G0S2: variants seen among roughly 807,000 people sequenced by gnomAD.
The protein encoded by G0S2 is G0/G1 switch protein 2.
For missense variants in G0S2, 139 were observed against 139.1 expected (o/e 1.00, Z 0.00); for synonymous variants, 64 against 66.0 (o/e 0.97, Z 0.15).
chr1:209,676,074 G>T lies in G0S2; in HGVS notation c.*78G>T. 1.7e-6 allele frequency: 2 copies of T among 1,155,888 alleles called. No homozygotes were observed. Among genetic ancestry groups the T allele is most frequent in the South Asian group, 1.6e-5 (1 of 61,844 alleles). The allele number at this position is 1,155,888 out of a possible 1,614,324, so 71.6% of individuals were successfully genotyped here. A position where few individuals can be genotyped will look rare whatever the true frequency, so the allele number is the denominator to read the frequency against. On this transcript the variant is annotated 3_prime_UTR_variant, in exon 2 of 2. Coordinates refer to ENST00000367029, the MANE Select transcript of G0S2 (RefSeq NM_015714.4). ...CCGAGAGAGGAATGGAGAGACAGAGGGGGCGCGCGCACAGGAGCCTGACTC... is the reference window on the plus strand; with the variant it reads ...CCGAGAGAGGAATGGAGAGACAGAGTGGGCGCGCGCACAGGAGCCTGACTC...
In G0S2 at chr1:209,675,798, G is replaced by T; in HGVS notation, c.114G>T (p.Val38=). ...GCAGCGTGCTGGCCCTCTTCGGCGT[G>T]GTGCTCGGCCTGATGGAGACTGTGT... ...VLGSVLALFG[V]VLGLMETVCS... Residue 38 remains valine (V), a synonymous_variant, in exon 2 of 2, where the codon GTG becomes GTT. Coordinates refer to ENST00000367029, the MANE Select transcript of G0S2 (RefSeq NM_015714.4). The surrounding 1 kb of genome is among the most constrained non-coding windows in gnomAD (Gnocchi z 5.4). 1 of 1,602,148 alleles carries T rather than the reference G, an allele frequency of 6.2e-7. No homozygotes were observed. The highest frequency in any genetic ancestry group is 1.1e-5 in the South Asian group (1 of 89,128).
chr1:209,675,777 C>T lies in G0S2; in HGVS notation c.93C>T (p.Ser31=), dbSNP rs1340753390. ...GKMVKLYVLG[S]VLALFGVVLG... Reference sequence around the variant, plus strand: ...TGGTGAAGCTGTACGTGCTGGGCAGCGTGCTGGCCCTCTTCGGCGTGGTGC... The same window carrying T: ...TGGTGAAGCTGTACGTGCTGGGCAGTGTGCTGGCCCTCTTCGGCGTGGTGC... The change falls in exon 2 of 2, where the codon AGC becomes AGT. Residue 31 remains serine (S), a synonymous_variant. Transcript: ENST00000367029. This position sits in a 1 kb window ranked among gnomAD's most constrained non-coding sequence, Gnocchi z 5.4. The T allele has an allele frequency of 2.5e-6, 4 of 1,603,292 alleles. No homozygotes were observed. The Admixed American group carries it at 5.1e-5, about 21-fold the overall frequency.
In G0S2 at chr1:209,676,080, C is replaced by T. The variant is rs144457692; in HGVS notation, c.*84C>T. 9.3e-6 allele frequency: 10 copies of T among 1,078,440 alleles called. No individual in the cohort carries two copies. In the African/African-American group the frequency reaches 9.5e-5, roughly 10 times the overall value. 66.8% of individuals were successfully genotyped at this position (1,078,440 alleles called of 1,614,324 possible). Reference sequence around the variant, plus strand: ...GAGGAATGGAGAGACAGAGGGGGCGCGCGCACAGGAGCCTGACTCCGCTGG... The same window carrying T: ...GAGGAATGGAGAGACAGAGGGGGCGTGCGCACAGGAGCCTGACTCCGCTGG... On this transcript the variant is annotated 3_prime_UTR_variant, in exon 2 of 2. Transcript: ENST00000367029.
rs1163592687 is a variant in G0S2, at chr1:209,675,965, G to A, written c.281G>A (p.Arg94Gln). 1 of 1,554,018 alleles carries A rather than the reference G, an allele frequency of 6.4e-7. No homozygotes were observed. The highest frequency in any genetic ancestry group is 8.7e-7 in the Non-Finnish European group (1 of 1,145,980). Residue 94 changes from arginine to glutamine, a missense_variant, in exon 2 of 2, where the codon CGG becomes CAG. By Grantham distance (43) the Arg-to-Gln change is conservative. Coordinates refer to ENST00000367029, the MANE Select transcript of G0S2 (RefSeq NM_015714.4). This position sits in a 1 kb window ranked among gnomAD's most constrained non-coding sequence, Gnocchi z 5.4. ...GKQQDTVLGG[R>Q]ALSNRQHAS Reference sequence around the variant, plus strand: ...CAGCAGGACACGGTCCTCGGCGGCCGGGCCCTGTCCAACCGGCAGCACGCC... The same window carrying A: ...CAGCAGGACACGGTCCTCGGCGGCCAGGCCCTGTCCAACCGGCAGCACGCC...
Position 209,675,917 on chromosome 1 carries a change from A to T in G0S2, c.233A>T (p.Gln78Leu), listed in dbSNP as rs745334619. 15 of 1,603,330 alleles carry T rather than the reference A, an allele frequency of 9.4e-6. No individual in the cohort carries two copies. The highest frequency in any genetic ancestry group is 1.3e-5 in the Non-Finnish European group (15 of 1,172,844). Reference protein sequence around the residue: ...AALERQALQKQALQEKGKQQD... With the variant: ...AALERQALQKLALQEKGKQQD... ...CTGGAGCGACAGGCTCTCCAGAAGC[A>T]AGCCCTGCAGGAGAAAGGCAAGCAG... The change falls in exon 2 of 2, where the codon CAA (glutamine) becomes CTA (leucine). Residue 78 changes from glutamine (Q) to leucine (L), a missense_variant. Physicochemically the swap from Gln to Leu is moderately radical, Grantham distance 113. Transcript: ENST00000367029. The surrounding 1 kb of genome is among the most constrained non-coding windows in gnomAD (Gnocchi z 5.4).
Position 209,676,085 on chromosome 1 carries a change from A to G in G0S2, c.*89A>G. ...ATGGAGAGACAGAGGGGGCGCGCGC[A>G]CAGGAGCCTGACTCCGCTGGGAGAG... On this transcript the variant is annotated 3_prime_UTR_variant, in exon 2 of 2. Transcript: ENST00000367029. 9.6e-7 allele frequency: 1 copy of G among 1,037,664 alleles called. No homozygotes were observed. Among genetic ancestry groups the G allele is most frequent in the Non-Finnish European group, 1.4e-6 (1 of 720,464 alleles). 64.3% of individuals were successfully genotyped at this position (1,037,664 alleles called of 1,614,324 possible).
chr1:209,675,498 A>G lies in G0S2; in HGVS notation c.-84A>G, dbSNP rs954645941. On this transcript the variant is annotated 5_prime_UTR_variant, in exon 1 of 2. Transcript: ENST00000367029. This position sits in a 1 kb window ranked among gnomAD's most constrained non-coding sequence, Gnocchi z 5.4. ...GTCGGTCGGACCAACGGACGCGCTG[A>G]CCGCTGCCAACTGCAGCTCGCGCTG... The G allele has an allele frequency of 6.8e-6, 4 of 586,184 alleles. No individual in the cohort carries two copies. Among genetic ancestry groups the G allele is most frequent in the Non-Finnish European group, 1.2e-5 (4 of 327,858 alleles). The allele number at this position is 586,184 out of a possible 1,614,324, so 36.3% of individuals were successfully genotyped here. A position where few individuals can be genotyped will look rare whatever the true frequency, so the allele number is the denominator to read the frequency against.
rs1207683047 is a variant in G0S2, at chr1:209,675,643, C to A, written c.-32-10C>A. 1.9e-5 allele frequency: 26 copies of A among 1,372,734 alleles called. No homozygotes were observed. The highest frequency in any genetic ancestry group is 1.2e-5 in the South Asian group (1 of 80,246). 85.0% of individuals were successfully genotyped at this position (1,372,734 alleles called of 1,614,324 possible). Reference sequence around the variant, plus strand: ...TGGCTGAAGCCCCTCTCCTGCTGCTCCTCCTGCAGGTCATTCCCGCCTCCG... The same window carrying A: ...TGGCTGAAGCCCCTCTCCTGCTGCTACTCCTGCAGGTCATTCCCGCCTCCG... On this transcript the variant is annotated splice_polypyrimidine_tract_variant and intron_variant, in intron 1 of 1. Coordinates refer to ENST00000367029, the MANE Select transcript of G0S2 (RefSeq NM_015714.4). This position sits in a 1 kb window ranked among gnomAD's most constrained non-coding sequence, Gnocchi z 5.4.
rs1193269091 is a variant in G0S2, at chr1:209,675,973, T to C, written c.289T>C (p.Ser97Pro). Residue 97 changes from serine (S) to proline (P), a missense_variant, in exon 2 of 2, where the codon TCC (serine) becomes CCC (proline). By Grantham distance (74) the Ser-to-Pro change is moderately conservative. Coordinates refer to ENST00000367029, the MANE Select transcript of G0S2 (RefSeq NM_015714.4). The surrounding 1 kb of genome is among the most constrained non-coding windows in gnomAD (Gnocchi z 5.4). The part of the protein sequence containing the change: ...QDTVLGGRAL[S>P]NRQHAS ...CACGGTCCTCGGCGGCCGGGCCCTG[T>C]CCAACCGGCAGCACGCCTCCTAGGA... 6.5e-7 allele frequency: 1 copy of C among 1,545,748 alleles called. No individual in the cohort carries two copies. The highest frequency in any genetic ancestry group is 1.4e-5 in the African/African-American group (1 of 73,052).
chr1:209,675,677 G>C lies in G0S2; in HGVS notation c.-8G>C. The C allele has an allele frequency of 2.5e-6, 4 of 1,577,008 alleles. No individual in the cohort carries two copies. Among genetic ancestry groups the C allele is most frequent in the Non-Finnish European group, 3.4e-6 (4 of 1,159,468 alleles). On this transcript the variant is annotated 5_prime_UTR_variant, in exon 2 of 2. Coordinates refer to ENST00000367029, the MANE Select transcript of G0S2 (RefSeq NM_015714.4). The surrounding 1 kb of genome is among the most constrained non-coding windows in gnomAD (Gnocchi z 5.4). The stretch of plus-strand genomic sequence containing the variant: ...GGTCATTCCCGCCTCCGAGAGCCCA[G>C]AGCCGAGATGGAAACGGTCCAGGAG...
rs376545220 is a variant in G0S2 at position 209,675,740 on chromosome 1, G to T, written c.56G>T (p.Arg19Leu). The T allele has an allele frequency of 2.5e-6, 4 of 1,604,076 alleles. No individual in the cohort carries two copies. Among genetic ancestry groups the T allele is most frequent in the South Asian group, 2.2e-5 (2 of 89,334 alleles). Reference sequence around the variant, plus strand: ...GCCAAGGAGATGATGGCCCAGAAGCGCAAGGGGAAGATGGTGAAGCTGTAC... The same window carrying T: ...GCCAAGGAGATGATGGCCCAGAAGCTCAAGGGGAAGATGGTGAAGCTGTAC... ...PLAKEMMAQK[R>L]KGKMVKLYVL... The change falls in exon 2 of 2, where the codon CGC becomes CTC. Residue 19 changes from arginine to leucine, a missense_variant. Arg to Leu is a moderately radical substitution (Grantham distance 102). Coordinates refer to ENST00000367029, the MANE Select transcript of G0S2 (RefSeq NM_015714.4). This position sits in a 1 kb window ranked among gnomAD's most constrained non-coding sequence, Gnocchi z 5.4.
Position 209,676,169 on chromosome 1 carries a change from A to G in G0S2, c.*173A>G. 1 of 558,666 alleles carries G rather than the reference A, an allele frequency of 1.8e-6. No individual in the cohort carries two copies. Among genetic ancestry groups the G allele is most frequent in the Non-Finnish European group, 3.2e-6 (1 of 312,160 alleles). 34.6% of individuals were successfully genotyped at this position (558,666 alleles called of 1,614,324 possible). A position where few individuals can be genotyped will look rare whatever the true frequency, so the allele number is the denominator to read the frequency against. ...AACTTCAGAGAAACCGCTGACATCT[A>G]GAACTGACCTACCACAAGCATCCAC... On this transcript the variant is annotated 3_prime_UTR_variant, in exon 2 of 2. Coordinates refer to ENST00000367029, the MANE Select transcript of G0S2 (RefSeq NM_015714.4).
chr1:209,675,924 G>C lies in G0S2; in HGVS notation c.240G>C (p.Leu80=), dbSNP rs368723492. 7 of 1,597,144 alleles carry C rather than the reference G, an allele frequency of 4.4e-6. No individual in the cohort carries two copies. In the African/African-American group the frequency reaches 9.4e-5, roughly 21 times the overall value. The change falls in exon 2 of 2, where the codon CTG becomes CTC. Residue 80 remains leucine, a synonymous_variant. Transcript: ENST00000367029. The surrounding 1 kb of genome is among the most constrained non-coding windows in gnomAD (Gnocchi z 5.4). ...LERQALQKQA[L]QEKGKQQDTV... is the part of the protein sequence containing the mutation. Reference sequence around the variant, plus strand: ...GACAGGCTCTCCAGAAGCAAGCCCTGCAGGAGAAAGGCAAGCAGCAGGACA... The same window carrying C: ...GACAGGCTCTCCAGAAGCAAGCCCTCCAGGAGAAAGGCAAGCAGCAGGACA...
In G0S2 at chr1:209,675,490, A is replaced by C. The variant is rs535547227; in HGVS notation, c.-92A>C. ...ACGCTGAGGTCGGTCGGACCAACGG[A>C]CGCGCTGACCGCTGCCAACTGCAGC... is the stretch of plus-strand genomic sequence containing the variant. On this transcript the variant is annotated 5_prime_UTR_variant, in exon 1 of 2. Coordinates refer to ENST00000367029, the MANE Select transcript of G0S2 (RefSeq NM_015714.4). The surrounding 1 kb of genome is among the most constrained non-coding windows in gnomAD (Gnocchi z 5.4). 1 of 583,998 alleles carries C rather than the reference A, an allele frequency of 1.7e-6. No homozygotes were observed. Among genetic ancestry groups the C allele is most frequent in the Non-Finnish European group, 3.1e-6 (1 of 327,118 alleles). The allele number at this position is 583,998 out of a possible 1,614,324, so 36.2% of individuals were successfully genotyped here.
rs988301174 is a variant in G0S2 at position 209,675,551 on chromosome 1, T to C, written c.-33+2T>C. On this transcript the variant is annotated splice_donor_variant, in intron 1 of 1. Transcript: ENST00000367029. LOFTEE classifies it low-confidence loss of function (5UTR_SPLICE). The surrounding 1 kb of genome is among the most constrained non-coding windows in gnomAD (Gnocchi z 5.4). ...TCCTGCTCGCGCCGTGCCACTAAGG[T>C]AGTCCGCCTTTCTATGAGCCCTCCC... 7.3e-5 allele frequency: 48 copies of C among 653,596 alleles called. No individual in the cohort carries two copies. The African/African-American group carries it at 8.7e-4, about 12-fold the overall frequency. The allele number at this position is 653,596 out of a possible 1,614,324, so 40.5% of individuals were successfully genotyped here.
In G0S2 at chr1:209,675,898, C is replaced by T. The variant is rs778185736; in HGVS notation, c.214C>T (p.Arg72Ter). 1.2e-6 allele frequency: 2 copies of T among 1,606,054 alleles called. No individual in the cohort carries two copies. Among genetic ancestry groups the T allele is most frequent in the South Asian group, 2.2e-5 (2 of 90,092 alleles). The change falls in exon 2 of 2, where the codon CGA becomes TGA. Residue 72 changes from arginine (R) to a stop codon, truncating the protein, a stop_gained. Coordinates refer to ENST00000367029, the MANE Select transcript of G0S2 (RefSeq NM_015714.4). LOFTEE classifies it low-confidence loss of function (END_TRUNC). This position sits in a 1 kb window ranked among gnomAD's most constrained non-coding sequence, Gnocchi z 5.4. ...GGCGGAGCTGCAGGCCGCCCTGGAG[C>T]GACAGGCTCTCCAGAAGCAAGCCCT... ...AVAELQAALERQALQKQALQE... is the reference protein window; with the variant it reads ...AVAELQAALE
chr1:209,675,715 G>A lies in G0S2; in HGVS notation c.31G>A (p.Ala11Thr). The A allele has an allele frequency of 6.2e-7, 1 of 1,600,444 alleles. No individual in the cohort carries two copies. Among genetic ancestry groups the A allele is most frequent in the South Asian group, 1.1e-5 (1 of 88,870 alleles). The change falls in exon 2 of 2, where the codon GCC becomes ACC. Residue 11 changes from alanine (A) to threonine (T), a missense_variant. Physicochemically the swap from Ala to Thr is moderately conservative, Grantham distance 58. Coordinates refer to ENST00000367029, the MANE Select transcript of G0S2 (RefSeq NM_015714.4). This position sits in a 1 kb window ranked among gnomAD's most constrained non-coding sequence, Gnocchi z 5.4. METVQELIPL[A>T]KEMMAQKRKG... ...AACGGTCCAGGAGCTGATCCCCCTG[G>A]CCAAGGAGATGATGGCCCAGAAGCG... is the stretch of plus-strand genomic sequence containing the variant.
At position 209,675,648 on chromosome 1, in the gene G0S2, T is replaced by G; in HGVS notation, c.-32-5T>G. On this transcript the variant is annotated splice_polypyrimidine_tract_variant and splice_region_variant and intron_variant, in intron 1 of 1. Coordinates refer to ENST00000367029, the MANE Select transcript of G0S2 (RefSeq NM_015714.4). This position sits in a 1 kb window ranked among gnomAD's most constrained non-coding sequence, Gnocchi z 5.4. ...GAAGCCCCTCTCCTGCTGCTCCTCC[T>G]GCAGGTCATTCCCGCCTCCGAGAGC... is the stretch of plus-strand genomic sequence containing the variant. 1 of 1,437,850 alleles carries G rather than the reference T, an allele frequency of 7.0e-7. No homozygotes were observed. Among genetic ancestry groups the G allele is most frequent in the Non-Finnish European group, 9.6e-7 (1 of 1,042,030 alleles). The allele number at this position is 1,437,850 out of a possible 1,614,324, so 89.1% of individuals were successfully genotyped here. A position where few individuals can be genotyped will look rare whatever the true frequency, so the allele number is the denominator to read the frequency against.
rs1168056466 is a variant in G0S2, at chr1:209,675,491, C to T, written c.-91C>T. 8 of 583,634 alleles carry T rather than the reference C, an allele frequency of 1.4e-5. No individual in the cohort carries two copies. The highest frequency in any genetic ancestry group is 7.7e-5 in the African/African-American group (4 of 52,200). 36.2% of individuals were successfully genotyped at this position (583,634 alleles called of 1,614,324 possible). On this transcript the variant is annotated 5_prime_UTR_variant, in exon 1 of 2. In the 5' UTR this introduces an upstream ATG that the reference lacks. Transcript: ENST00000367029. This position sits in a 1 kb window ranked among gnomAD's most constrained non-coding sequence, Gnocchi z 5.4. Reference sequence around the variant, plus strand: ...CGCTGAGGTCGGTCGGACCAACGGACGCGCTGACCGCTGCCAACTGCAGCT... The same window carrying T: ...CGCTGAGGTCGGTCGGACCAACGGATGCGCTGACCGCTGCCAACTGCAGCT...
Sources: gnomAD v4.1 joint callset for allele counts on GRCh38, gnomAD v4.1.1 for gene constraint, Gnocchi (gnomAD v3.1) non-coding constraint, MANE v1.5 for transcripts, NCBI Gene and HGNC (gene_info 2026-07-23, HGNC 2026-07-21) for gene names.